MYH3: variants seen among roughly 807,000 people sequenced by gnomAD.
MYH3 encodes myosin heavy chain 3.
Under a neutral mutation model 238.0 loss-of-function variants are expected in MYH3, and 130 were observed. The observed-to-expected ratio is 0.55, with a 90% confidence interval of 0.47 to 0.63. The LOEUF is 0.63. Among genes scored for constraint, MYH3 ranks in the 30% least tolerant of loss-of-function variants. The pLI, the probability that MYH3 is intolerant of heterozygous loss-of-function variation, is 0.00. For missense variants in MYH3, 1,853 were observed against 2,374.9 expected (o/e 0.78, Z 4.57); for synonymous variants, 880 against 924.1 (o/e 0.95, Z 0.86).
Position 10,642,714 on chromosome 17 carries a change from T to C in MYH3, c.1591A>G (p.Ile531Val), listed in dbSNP as rs2074284488. ...CACTCCTCTTCCAGGATGGAGAAGA[T>C]GCCCATAGGCTGGATTGAAGGCAAG... ...CIELIEKPMG[I>V]FSILEEECMF... Residue 531 changes from isoleucine to valine, a missense_variant, in exon 16 of 41, where the codon ATC becomes GTC. By Grantham distance (29) the Ile-to-Val change is conservative (BLOSUM62 3). Coordinates refer to ENST00000583535, the MANE Select transcript of MYH3 (RefSeq NM_002470.4). The surrounding 1 kb of genome is among the most constrained non-coding windows in gnomAD (Gnocchi z 5.4). 1.2e-6 allele frequency: 2 copies of C among 1,614,098 alleles called. No homozygotes were observed. The highest frequency in any genetic ancestry group is 8.5e-7 in the Non-Finnish European group (1 of 1,180,048).
At chr17:10,644,132 G>A (rs2074298152) in intron 14 of MYH3, among the ~76,000 whole-genome samples, 1 of 150,278 alleles carries the variant, frequency 6.7e-6, no homozygotes, top group Admixed American at 6.7e-5. Flanking sequence ...ATTCTGGCCT[G>A]AGTGACAGGG....
intron 6 of MYH3, 131 bp downstream of exon 6, chr17:10,650,243 T>G (rs529175761): frequency 1.2e-6 from 1 of 835,164 alleles, no homozygotes; most frequent in South Asian, 1.6e-5. Context: ...ACCAAAGTGC[T>G]GGGATTACAG....
At chr17:10,651,745 T>C (rs1567562309) in intron 4 of MYH3, 77 bp from the exon 5 acceptor site, 5 of 1,279,764 alleles carry the variant, frequency 3.9e-6, no homozygotes, top group Non-Finnish European at 4.2e-6. Flanking sequence ...ATTATTATTA[T>C]TGTTTTTTTT....
chr17:10,663,873 A>G, the MYH3 span, among the ~76,000 whole-genome samples: 2 of 151,948 alleles, frequency 1.3e-5, no homozygotes, highest in East Asian at 1.9e-4. Flanking sequence ...GACCAGCGTG[A>G]CCAACATGGT....
intron 31 of MYH3, 49 bp downstream of exon 31, chr17:10,634,791 G>C: frequency 6.2e-7 from 1 of 1,608,426 alleles, no homozygotes. Flanking sequence ...ACGGCTGCTA[G>C]GAATCCCTTA....
At chr17:10,668,232 T>TA in the MYH3 span, among the ~76,000 whole-genome samples, 1 of 152,154 alleles carries the variant, frequency 6.6e-6, no homozygotes, top group African/African-American at 2.4e-5. Flanking sequence ...CCATCTCTAC[T>TA]AAAAATACAA....
chr17:10,650,317 G>T, intron 6 of MYH3, 57 bp downstream of exon 6: 1 of 1,538,340 alleles, frequency 6.5e-7, no homozygotes, highest in South Asian at 1.1e-5. Context: ...ACTTTCTAAT[G>T]AACAGAATAG....
At chr17:10,676,760 T>C in the MYH3 span, 3 of 152,202 alleles carry the variant, frequency 2.0e-5, no homozygotes, top group East Asian at 5.8e-4. Flanking sequence ...ACAACAGTGA[T>C]TGAAAATTTT....
At chr17:10,677,544 T>C in the MYH3 span, 1 of 152,192 alleles carries the variant, frequency 6.6e-6, no homozygotes, top group Admixed American at 6.5e-5. Context: ...AAAGCTATTT[T>C]AAAGGATCTT....
In MYH3 at chr17:10,649,622, A is replaced by G; in HGVS notation, c.597T>C (p.Ile199=). The change falls in exon 7 of 41, where the codon ATT becomes ATC. Residue 199 remains isoleucine (I), a synonymous_variant. Coordinates refer to ENST00000583535, the MANE Select transcript of MYH3 (RefSeq NM_002470.4). ...TKRVIQYFAT[I]AATGDLAKKK... ...TCTTGGCCAGGTCCCCAGTAGCTGC[A>G]ATTGTTGCAAAGTACTGGATGACCC... The G allele has an allele frequency of 6.2e-7, 1 of 1,614,234 alleles. No individual in the cohort carries two copies. Among genetic ancestry groups the G allele is most frequent in the Non-Finnish European group, 8.5e-7 (1 of 1,180,038 alleles).
chr17:10,647,437 C>A lies in MYH3; in HGVS notation c.736-11G>T. ...TCGGATGAACTTGCCCTGTATGGGGCGGGATTCAGGGGGAGACCAGATTCT... is the reference window on the plus strand; with the variant it reads ...TCGGATGAACTTGCCCTGTATGGGGAGGGATTCAGGGGGAGACCAGATTCT... On this transcript the variant is annotated splice_polypyrimidine_tract_variant and intron_variant, in intron 8 of 40. Transcript: ENST00000583535. 1 of 1,614,052 alleles carries A rather than the reference C, an allele frequency of 6.2e-7. No individual in the cohort carries two copies.
At chr17:10,669,097 C>A in the MYH3 span, among the ~76,000 whole-genome samples, 1 of 152,166 alleles carries the variant, frequency 6.6e-6, no homozygotes, top group Non-Finnish European at 1.5e-5. Flanking sequence ...TTGCCCAGGG[C>A]AACAGGGCTG....
In MYH3 at chr17:10,639,732, G is replaced by A. The variant is rs772084735; in HGVS notation, c.2753C>T (p.Ala918Val). 2.5e-6 allele frequency: 4 copies of A among 1,613,428 alleles called. No individual in the cohort carries two copies. The highest frequency in any genetic ancestry group is 2.7e-5 in the African/African-American group (2 of 74,670). ...TCTCTCTGTCACCTCCTTGATCTTG[G>A]CCTCGAGCTGGAATTTGGCTTTGAT... ...QLIKAKFQLE[A>V]KIKEVTERAE... Residue 918 changes from alanine (A) to valine (V), a missense_variant, in exon 23 of 41, where the codon GCC (alanine) becomes GTC (valine). Coordinates refer to ENST00000583535, the MANE Select transcript of MYH3 (RefSeq NM_002470.4).
chr17:10,640,269 C>T lies in MYH3; in HGVS notation c.2427-18G>A. 2 of 1,614,210 alleles carry T rather than the reference C, an allele frequency of 1.2e-6. No homozygotes were observed. Among genetic ancestry groups the T allele is most frequent in the Non-Finnish European group, 1.7e-6 (2 of 1,180,036 alleles). The stretch of plus-strand genomic sequence containing the variant: ...TGGACTCCCTAAAAACAAGACATTG[C>T]TTATTTCTGAGAGAGACTCCCCTTC... On this transcript the variant is annotated intron_variant, in intron 21 of 40. Coordinates refer to ENST00000583535, the MANE Select transcript of MYH3 (RefSeq NM_002470.4).
the MYH3 span, among the ~76,000 whole-genome samples, chr17:10,668,200 G>A: frequency 6.6e-6 from 1 of 152,212 alleles, no homozygotes; most frequent in Admixed American, 6.5e-5. Flanking sequence ...TTTGAGACCA[G>A]CCTGACAAAT....
intron 36 of MYH3, 150 bp from the exon 37 acceptor site, chr17:10,630,608 G>C (rs2074146482): frequency 8.4e-7 from 1 of 1,184,278 alleles, no homozygotes; most frequent in South Asian, 1.3e-5. Flanking sequence ...CCAGCACTTT[G>C]GGAGGCCAAG....
rs748642974 is a variant in MYH3 at position 10,654,486 on chromosome 17, A to G, written c.204+375T>C. 1.3e-5 allele frequency among the ~76,000 whole-genome samples: 2 copies of G among 152,204 alleles called. No homozygotes were observed. The highest frequency in any genetic ancestry group is 4.8e-5 in the African/African-American group (2 of 41,448). ...TCCTTGGTTAGATGGCCATTGATAGAATAATTTGGGACAAATCTAGGCTAC... is the reference window on the plus strand; with the variant it reads ...TCCTTGGTTAGATGGCCATTGATAGGATAATTTGGGACAAATCTAGGCTAC... On this transcript the variant is annotated intron_variant, in intron 3 of 40. Coordinates refer to ENST00000583535, the MANE Select transcript of MYH3 (RefSeq NM_002470.4). The surrounding 1 kb of genome is among the most constrained non-coding windows in gnomAD (Gnocchi z 4.5).
upstream of MYH3, among the ~76,000 whole-genome samples, chr17:10,661,744 C>T (rs1053196051): frequency 3.3e-5 from 5 of 152,146 alleles, no homozygotes; most frequent in Non-Finnish European, 5.9e-5. Flanking sequence ...TGCCCAGGAC[C>T]GCTGTCTGCC....
At chr17:10,647,988 A>C (rs74517934) in intron 8 of MYH3, among the ~76,000 whole-genome samples, 610 of 152,262 alleles carry the variant, frequency 4.0e-3, no homozygotes, top group Non-Finnish European at 7.4e-3. Flanking sequence ...AAGCAACTAC[A>C]GTGATTGTTT....
Sources: gnomAD v4.1 joint callset for allele counts (sites outside exome capture counted in the v4.1 genomes callset) on GRCh38, gnomAD v4.1.1 for gene constraint, Gnocchi (gnomAD v3.1) non-coding constraint, MANE v1.5 for transcripts, NCBI Gene and HGNC (gene_info 2026-07-23, HGNC 2026-07-21) for gene names.